CNTNAP2: variants seen among roughly 807,000 people sequenced by gnomAD.
The protein encoded by CNTNAP2 is contactin associated protein 2.
In CNTNAP2, 98 loss-of-function variants were observed where a neutral mutation model predicts 155.2. That is an observed-to-expected ratio of 0.63 (90% CI 0.54 to 0.75). The LOEUF is 0.75. Ranked by LOEUF, CNTNAP2 falls within the 30% of genes least tolerant of loss-of-function variation. CNTNAP2 has a pLI of 0.00. For missense variants in CNTNAP2, 1,727 were observed against 1,688.1 expected (o/e 1.02, Z -0.40); for synonymous variants, 651 against 631.2 (o/e 1.03, Z -0.47).
intron 15 of CNTNAP2, among the ~76,000 whole-genome samples, chr7:148,025,015 A>C (rs1244150444): frequency 2.0e-5 from 3 of 152,186 alleles, no homozygotes; most frequent in African/African-American, 7.2e-5. Flanking sequence ...AAAATGATAC[A>C]TCCCTTCCTG....
At chr7:147,992,526 A>G (rs1801729963) in intron 15 of CNTNAP2, among the ~76,000 whole-genome samples, 1 of 152,214 alleles carries the variant, frequency 6.6e-6, no homozygotes, top group African/African-American at 2.4e-5. Context: ...GCTCTTTGGA[A>G]TAGATGCCTA....
chr7:147,653,750 C>T (rs909402303), intron 13 of CNTNAP2, among the ~76,000 whole-genome samples: 4 of 152,140 alleles, frequency 2.6e-5, no homozygotes, highest in African/African-American at 9.7e-5. Flanking sequence ...TCTGTTCAGC[C>T]AGCCTGTTGG....
chr7:146,995,068 T>C (rs2129239585), intron 3 of CNTNAP2, among the ~76,000 whole-genome samples: 1 of 152,228 alleles, frequency 6.6e-6, no homozygotes, highest in African/African-American at 2.4e-5. Flanking sequence ...TGATTCTACA[T>C]ATGAGTGAGA....
chr7:146,905,358 C>T lies in CNTNAP2; in HGVS notation c.402+65454C>T, dbSNP rs117601744. Reference sequence around the variant, plus strand: ...TGGGAATCTGTCCTCTTAGGGGCTCCGGTTTTATCCACATTCTCATCACCT... The same window carrying T: ...TGGGAATCTGTCCTCTTAGGGGCTCTGGTTTTATCCACATTCTCATCACCT... On this transcript the variant is annotated intron_variant, in intron 3 of 23. Transcript: ENST00000361727. Among the ~76,000 whole-genome samples the T allele has an allele frequency of 6.7e-3, 1,019 of 152,040 alleles. 5 individuals are homozygous for T. Among genetic ancestry groups the T allele is most frequent in the Non-Finnish European group, 0.011 (771 of 67,992 alleles).
At chr7:146,951,190 A>T (rs1216403790) in intron 3 of CNTNAP2, among the ~76,000 whole-genome samples, 1 of 152,158 alleles carries the variant, frequency 6.6e-6, no homozygotes, top group African/African-American at 2.4e-5. Flanking sequence ...GATTCTGGAT[A>T]TTAGCCCTTT....
chr7:147,475,320 G>A (rs1052319578), intron 10 of CNTNAP2, among the ~76,000 whole-genome samples: 3 of 152,050 alleles, frequency 2.0e-5, no homozygotes, highest in South Asian at 2.1e-4. Flanking sequence ...GTTCTCCAGT[G>A]TGCACTCTGA....
chr7:148,142,029 G>A (rs1406619065), intron 16 of CNTNAP2, among the ~76,000 whole-genome samples: 2 of 151,406 alleles, frequency 1.3e-5, no homozygotes, highest in Non-Finnish European at 2.9e-5. Context: ...GTAACTTTTG[G>A]GATAGATAAG....
intron 1 of CNTNAP2, among the ~76,000 whole-genome samples, chr7:146,601,214 A>T (rs1798944825): frequency 6.6e-6 from 1 of 152,244 alleles, no homozygotes; most frequent in East Asian, 1.9e-4. Context: ...TTGCAAACCG[A>T]GTTCAATTCC....
intron 6 of CNTNAP2, chr7:147,122,596 C>G (rs1273228973): frequency 6.6e-6 from 1 of 152,172 alleles, no homozygotes; most frequent in Non-Finnish European, 1.5e-5. Flanking sequence ...ACATGATACT[C>G]TGTCTTAATC....
chr7:148,210,505 G>A (rs534306306), intron 18 of CNTNAP2, among the ~76,000 whole-genome samples: 13 of 152,296 alleles, frequency 8.5e-5, no homozygotes, highest in Non-Finnish European at 1.5e-4. Context: ...AAGGCCACCC[G>A]GCTCCCACAC....
At position 147,616,053 on chromosome 7, in the gene CNTNAP2, T is replaced by C. The variant is rs369940747; in HGVS notation, c.1898-23053T>C. Reference sequence around the variant, plus strand: ...CAGTCCAAAATTCTCACAATAATCCTTGTTTCATTTTTTTTTCCCCCTGAT... The same window carrying C: ...CAGTCCAAAATTCTCACAATAATCCCTGTTTCATTTTTTTTTCCCCCTGAT... On this transcript the variant is annotated intron_variant, in intron 12 of 23. Transcript: ENST00000361727. Among the ~76,000 whole-genome samples the C allele has an allele frequency of 2.1e-3, 322 of 152,014 alleles. 1 individual carries two copies. The highest frequency in any genetic ancestry group is 3.5e-3 in the Non-Finnish European group (235 of 68,010).
intron 15 of CNTNAP2, among the ~76,000 whole-genome samples, chr7:147,983,914 ATT>A (rs1486549097): frequency 6.6e-6 from 1 of 152,112 alleles, no homozygotes; most frequent in Non-Finnish European, 1.5e-5. Flanking sequence ...TTTCTTCTGG[ATT>A]TTGAGGGCCT....
At chr7:148,246,246 G>A (rs891035968) in intron 20 of CNTNAP2, among the ~76,000 whole-genome samples, 5 of 152,106 alleles carry the variant, frequency 3.3e-5, no homozygotes, top group South Asian at 2.1e-4. Flanking sequence ...TAGAGCCACC[G>A]TACTAAAAAG....
At chr7:146,672,521 T>C (rs1039442891) in intron 1 of CNTNAP2, among the ~76,000 whole-genome samples, 1 of 152,068 alleles carries the variant, frequency 6.6e-6, no homozygotes, top group Non-Finnish European at 1.5e-5. Flanking sequence ...ATTAAAGATG[T>C]GAGACTGCGG....
At chr7:147,473,468 G>A (rs1462152740) in intron 10 of CNTNAP2, among the ~76,000 whole-genome samples, 1 of 151,828 alleles carries the variant, frequency 6.6e-6, no homozygotes, top group African/African-American at 2.4e-5. Flanking sequence ...CCTCTGTTCT[G>A]GTTGTGTAAT....
rs6969072 is a variant in CNTNAP2 at position 146,444,098 on chromosome 7, C to G, written c.97+327125C>G. On this transcript the variant is annotated intron_variant, in intron 1 of 23. Coordinates refer to ENST00000361727, the MANE Select transcript of CNTNAP2 (RefSeq NM_014141.6). Reference sequence around the variant, plus strand: ...CCCAGGTTGTAGTGCAGTGGCACAACCTCGGCTCCCTGCAACCTCCGCCTC... The same window carrying G: ...CCCAGGTTGTAGTGCAGTGGCACAAGCTCGGCTCCCTGCAACCTCCGCCTC... Among the ~76,000 whole-genome samples, 836 of 152,146 alleles carry G rather than the reference C, an allele frequency of 5.5e-3. 9 individuals are homozygous for G. Among genetic ancestry groups the G allele is most frequent in the African/African-American group, 0.019 (779 of 41,518 alleles).
At chr7:146,848,803 C>T (rs920743721) in intron 3 of CNTNAP2, among the ~76,000 whole-genome samples, 8 of 152,180 alleles carry the variant, frequency 5.3e-5, no homozygotes, top group Admixed American at 2.0e-4. Flanking sequence ...GACAGAATCT[C>T]GCTCTGTTGC....
chr7:147,352,342 T>TCC (rs1194431800), intron 9 of CNTNAP2, among the ~76,000 whole-genome samples: 1 of 151,970 alleles, frequency 6.6e-6, no homozygotes, highest in Non-Finnish European at 1.5e-5. Flanking sequence ...GGATCTTGCT[T>TCC]CCCTCAGGAC....
intron 1 of CNTNAP2, among the ~76,000 whole-genome samples, chr7:146,733,986 A>C (rs1801569801): frequency 6.6e-6 from 1 of 152,124 alleles, no homozygotes; most frequent in South Asian, 2.1e-4. Context: ...GATGCTGGCT[A>C]CATTGGTACA....
Sources: allele counts gnomAD v4.1 joint callset (sites outside exome capture counted in the v4.1 genomes callset), GRCh38; gene constraint gnomAD v4.1.1; transcripts MANE v1.5; gene names NCBI Gene and HGNC (gene_info 2026-07-23, HGNC 2026-07-21).